BCL2: variants seen among roughly 807,000 people sequenced by gnomAD.
BCL2 encodes the protein BCL2 apoptosis regulator, also known as apoptosis regulator Bcl-2.
BCL2 carries 1 observed loss-of-function variant against 14.2 expected under a neutral mutation model. The ratio of observed to expected loss-of-function variants is 0.07; its 90% CI spans 0.02 to 0.33. The LOEUF (loss-of-function observed/expected upper bound fraction) is 0.33. Ranked by LOEUF, BCL2 falls within the 10% of genes least tolerant of loss-of-function variation. BCL2 has a pLI of 0.99. For missense variants in BCL2, 247 were observed against 305.9 expected (o/e 0.81, Z 1.44); for synonymous variants, 151 against 137.2 (o/e 1.10, Z -0.70).
chr18:63,131,996 G>A (rs747595424), intron 2 of BCL2, among the ~76,000 whole-genome samples: 32 of 152,292 alleles, frequency 2.1e-4, no homozygotes, highest in Middle Eastern at 6.8e-3. Context: ...TGCTTCTCAT[G>A]AACCTAACAG....
At chr18:63,231,353 C>T (rs1910682968) in intron 2 of BCL2, among the ~76,000 whole-genome samples, 1 of 151,280 alleles carries the variant, frequency 6.6e-6, no homozygotes, top group Non-Finnish European at 1.5e-5. Flanking sequence ...AGATACCTTG[C>T]TGATGTAATA....
At chr18:63,261,094 G>T (rs1911646256) in intron 2 of BCL2, among the ~76,000 whole-genome samples, 1 of 152,134 alleles carries the variant, frequency 6.6e-6, no homozygotes, top group Admixed American at 6.5e-5. Context: ...CTCAGAGAGG[G>T]TATTTTTTAT....
intron 2 of BCL2, among the ~76,000 whole-genome samples, chr18:63,226,080 C>T (rs539934361): frequency 2.2e-4 from 33 of 152,270 alleles, no homozygotes; most frequent in African/African-American, 7.7e-4. Flanking sequence ...GAAAAGGGGA[C>T]GGGGATGGAA....
chr18:63,202,135 C>T (rs1222149912), intron 2 of BCL2, among the ~76,000 whole-genome samples: 1 of 151,906 alleles, frequency 6.6e-6, no homozygotes, highest in Non-Finnish European at 1.5e-5. Context: ...ATGGTGAAAC[C>T]CTGTCTCTAC....
chr18:63,162,001 T>C (rs971627836), intron 2 of BCL2: 6 of 152,216 alleles, frequency 3.9e-5, no homozygotes, highest in African/African-American at 1.4e-4. Context: ...AAGCAGTTCT[T>C]AGAACACAGA....
In BCL2 at chr18:63,319,507, C is replaced by G. The variant is rs972335920; in HGVS notation, c.-620G>C. ...AGAAGTCCTGTGATGTTTTCCCCTT[C>G]TCGGCAATTTACACGCGCGCACACA... On this transcript the variant is annotated 5_prime_UTR_variant, in exon 1 of 3. Transcript: ENST00000333681. The G allele has an allele frequency of 4.4e-5, 10 of 229,374 alleles. No individual in the cohort carries two copies. The highest frequency in any genetic ancestry group is 1.8e-4 in the African/African-American group (8 of 45,056). The allele number at this position is 229,374 out of a possible 1,614,324, so 14.2% of individuals were successfully genotyped here.
intron 2 of BCL2, chr18:63,316,832 T>C (rs984506627): frequency 2.0e-5 from 3 of 151,948 alleles, no homozygotes; most frequent in African/African-American, 7.2e-5. Context: ...TGTTAGGTCC[T>C]ATAAAATAAT....
At chr18:63,287,458 T>C (rs1006450098) in intron 2 of BCL2, among the ~76,000 whole-genome samples, 12 of 152,016 alleles carry the variant, frequency 7.9e-5, no homozygotes, top group African/African-American at 2.7e-4. Context: ...TCTAGGGATA[T>C]AGAAGAGAAG....
At chr18:63,284,069 A>G (rs1398619125) in intron 2 of BCL2, among the ~76,000 whole-genome samples, 5 of 152,142 alleles carry the variant, frequency 3.3e-5, no homozygotes, top group African/African-American at 9.7e-5. Context: ...TGTGTCCCTG[A>G]GCGCGCTGAC....
chr18:63,173,133 C>T (rs974657901), intron 2 of BCL2, among the ~76,000 whole-genome samples: 4 of 151,186 alleles, frequency 2.6e-5, no homozygotes, highest in African/African-American at 9.7e-5. Context: ...GAAACTGGCA[C>T]ATAATCGTAA....
At chr18:63,212,882 CA>C (rs67260148) in intron 2 of BCL2, among the ~76,000 whole-genome samples, 129,959 of 151,818 alleles carry the variant, frequency 0.86, 55,948 homozygotes, top group Non-Finnish European at 0.9. Flanking sequence ...TCTCAAAAAA[CA>C]AAAAAAAAGT....
Position 63,256,365 on chromosome 18 carries a change from C to T in BCL2, c.585+61717G>A, listed in dbSNP as rs144788423. 4.5e-3 allele frequency among the ~76,000 whole-genome samples: 682 copies of T among 152,232 alleles called. 3 individuals are homozygous for T. The highest frequency in any genetic ancestry group is 6.1e-3 in the Non-Finnish European group (415 of 68,012). On this transcript the variant is annotated intron_variant, in intron 2 of 2. Transcript: ENST00000333681. ...CTAAGTAACTGGGACTACAGGTGTG[C>T]ACCACCACACCCAGCTAATTTTTGT...
intron 2 of BCL2, among the ~76,000 whole-genome samples, chr18:63,134,795 A>C (rs1914168298): frequency 6.6e-6 from 1 of 152,238 alleles, no homozygotes; most frequent in South Asian, 2.1e-4. Context: ...CATCGGCAGT[A>C]AGAAGAAAGT....
intron 2 of BCL2, among the ~76,000 whole-genome samples, chr18:63,179,391 G>T (rs567187226): frequency 6.6e-6 from 1 of 152,154 alleles, no homozygotes; most frequent in African/African-American, 2.4e-5. Context: ...TCCAGCCCCC[G>T]AAAAGGCCAT....
intron 2 of BCL2, among the ~76,000 whole-genome samples, chr18:63,138,005 A>G (rs915206304): frequency 6.6e-6 from 1 of 152,212 alleles, no homozygotes; most frequent in Non-Finnish European, 1.5e-5. Context: ...TGGCAATACT[A>G]TCTGTGACTA....
rs4987816 is a variant in BCL2 at position 63,146,362 on chromosome 18, C to G, written c.586-17603G>C. Among the ~76,000 whole-genome samples the G allele has an allele frequency of 2.0e-5, 3 of 152,366 alleles. No homozygotes were observed. The East Asian group carries it at 5.8e-4, about 29-fold the overall frequency. Reference sequence around the variant, plus strand: ...GGCAGAAGGACGCTGGTCGTGGACACTGATGGGGAAATGGCGGCTGTCCCT... The same window carrying G: ...GGCAGAAGGACGCTGGTCGTGGACAGTGATGGGGAAATGGCGGCTGTCCCT... On this transcript the variant is annotated intron_variant, in intron 2 of 2. Coordinates refer to ENST00000333681, the MANE Select transcript of BCL2 (RefSeq NM_000633.3).
intron 2 of BCL2, chr18:63,208,076 AT>A (rs1278429433): frequency 2.0e-5 from 3 of 152,154 alleles, no homozygotes; most frequent in African/African-American, 7.2e-5. Context: ...TCTCTGATAG[AT>A]TTTAGCCAAC....
intron 2 of BCL2, among the ~76,000 whole-genome samples, chr18:63,306,359 G>C (rs1406597831): frequency 6.6e-6 from 1 of 152,160 alleles, no homozygotes; most frequent in Non-Finnish European, 1.5e-5. Flanking sequence ...CCTTCTATCT[G>C]GTCACTGATT....
chr18:63,173,807 G>C (rs192499657), intron 2 of BCL2, among the ~76,000 whole-genome samples: 1 of 152,240 alleles, frequency 6.6e-6, no homozygotes, highest in African/African-American at 2.4e-5. Flanking sequence ...GTATATTCTA[G>C]ACATGACTGA....
Sources: allele counts gnomAD v4.1 joint callset (sites outside exome capture counted in the v4.1 genomes callset), GRCh38; gene constraint gnomAD v4.1.1; transcripts MANE v1.5; gene names NCBI Gene and HGNC (gene_info 2026-07-23, HGNC 2026-07-21).